The following OR10Z1 variants were observed in gnomAD, a reference collection of about 807,000 sequenced individuals.
OR10Z1 encodes the protein olfactory receptor 10Z1.
For missense variants in OR10Z1, 468 were observed against 371.0 expected (o/e 1.26, Z -2.15); for synonymous variants, 187 against 151.2 (o/e 1.24, Z -1.74).
intron 1 of OR10Z1, 29 bp from the exon 2 acceptor site, chr1:158,606,297 A>G: frequency 1.6e-6 from 1 of 615,536 alleles, no homozygotes; most frequent in Non-Finnish European, 2.9e-6. Context: ...AAGTTTGAGT[A>G]GAGTCTAAAT....
Position 158,609,762 on chromosome 1 carries a change from C to G in OR10Z1, c.*2382C>G, listed in dbSNP as rs1019816773. 6.6e-6 allele frequency: 1 copy of G among 152,138 alleles called. No homozygotes were observed. Among genetic ancestry groups the G allele is most frequent in the Non-Finnish European group, 1.5e-5 (1 of 68,016 alleles). The allele number at this position is 152,138 out of a possible 1,614,324, so 9.4% of individuals were successfully genotyped here. On this transcript the variant is annotated 3_prime_UTR_variant, in exon 2 of 2. Coordinates refer to ENST00000641002, the MANE Select transcript of OR10Z1 (RefSeq NM_001004478.2). ...TATGTGACTACGCGCTTAGAAAGGG[C>G]AAACTCTTCTTCCAGGTACACACAT...
rs1025390743 is a variant in OR10Z1 at position 158,610,476 on chromosome 1, A to G, written c.*3096A>G. 19 of 152,088 alleles carry G rather than the reference A, an allele frequency of 1.2e-4. No homozygotes were observed. Among genetic ancestry groups the G allele is most frequent in the African/African-American group, 4.6e-4 (19 of 41,430 alleles). The allele number at this position is 152,088 out of a possible 1,614,324, so 9.4% of individuals were successfully genotyped here. ...AATTCTTAATTTTATAAATAATTCT[A>G]TTAACTGTTACTTTAACAGGATATT... On this transcript the variant is annotated 3_prime_UTR_variant, in exon 2 of 2. Transcript: ENST00000641002.
Position 158,607,238 on chromosome 1 carries a change from C to G in OR10Z1, c.800C>G (p.Ser267Cys). The change falls in exon 2 of 2, where the codon TCT (serine) becomes TGT (cysteine). Residue 267 changes from serine to cysteine, a missense_variant. Coordinates refer to ENST00000641002, the MANE Select transcript of OR10Z1 (RefSeq NM_001004478.2). ...FVYLRPKASY[S>C]LERDQLIAMT... ...TACCTGAGGCCCAAAGCCAGCTACT[C>G]TCTTGAGAGAGATCAGCTTATTGCC... The G allele has an allele frequency of 6.2e-7, 1 of 1,614,110 alleles. No individual in the cohort carries two copies. The highest frequency in any genetic ancestry group is 8.5e-7 in the Non-Finnish European group (1 of 1,179,976).
chr1:158,605,276 A>G lies in OR10Z1; in HGVS notation c.-239A>G, dbSNP rs1649022573. The G allele has an allele frequency of 6.6e-6, 1 of 152,392 alleles. No individual in the cohort carries two copies. Among genetic ancestry groups the G allele is most frequent in the Non-Finnish European group, 1.5e-5 (1 of 68,046 alleles). The allele number at this position is 152,392 out of a possible 1,614,324, so 9.4% of individuals were successfully genotyped here. On this transcript the variant is annotated 5_prime_UTR_variant, in exon 1 of 2. Transcript: ENST00000641002. ...GAGACATCACACTGCTCAGAGTAGG[A>G]GATTTCAAGATGCATCTCAAGTCTT...
Position 158,606,566 on chromosome 1 carries a change from T to C in OR10Z1, c.128T>C (p.Val43Ala), listed in dbSNP as rs1649054505. The change falls in exon 2 of 2, where the codon GTC (valine) becomes GCC (alanine). Residue 43 changes from valine to alanine, a missense_variant. By Grantham distance (64) the Val-to-Ala change is moderately conservative (BLOSUM62 0). Transcript: ENST00000641002. ...TATCTAGTCACTCTGACCAGCAATGTCTTCATTATCATAGCCATCAGGCTG... is the reference window on the plus strand; with the variant it reads ...TATCTAGTCACTCTGACCAGCAATGCCTTCATTATCATAGCCATCAGGCTG... ...SLYLVTLTSN[V>A]FIIIAIRLDS... 1 of 1,613,862 alleles carries C rather than the reference T, an allele frequency of 6.2e-7. No individual in the cohort carries two copies. The highest frequency in any genetic ancestry group is 1.7e-5 in the Admixed American group (1 of 59,978).
rs1039132711 is a variant in OR10Z1 at position 158,611,211 on chromosome 1, C to A, written c.*3831C>A. The A allele has an allele frequency of 1.2e-6, 2 of 1,609,634 alleles. No individual in the cohort carries two copies. Among genetic ancestry groups the A allele is most frequent in the Non-Finnish European group, 8.5e-7 (1 of 1,177,098 alleles). ...ACATTTGCCTGTACTCTTTGCCCCCCAGTAAATTTCCCACGACACTAAGAT... is the reference window on the plus strand; with the variant it reads ...ACATTTGCCTGTACTCTTTGCCCCCAAGTAAATTTCCCACGACACTAAGAT... On this transcript the variant is annotated 3_prime_UTR_variant, in exon 2 of 2. Coordinates refer to ENST00000641002, the MANE Select transcript of OR10Z1 (RefSeq NM_001004478.2).
chr1:158,607,495 T>C lies in OR10Z1; in HGVS notation c.*115T>C. 1 of 765,134 alleles carries C rather than the reference T, an allele frequency of 1.3e-6. No individual in the cohort carries two copies. The highest frequency in any genetic ancestry group is 2.1e-6 in the Non-Finnish European group (1 of 472,400). 47.4% of individuals were successfully genotyped at this position (765,134 alleles called of 1,614,324 possible). On this transcript the variant is annotated 3_prime_UTR_variant, in exon 2 of 2. Transcript: ENST00000641002. ...CAAAGCTGTCCTACCCCCAATCTTCTGGGAAAGCCTTATCCTGCCTCTTGC... is the reference window on the plus strand; with the variant it reads ...CAAAGCTGTCCTACCCCCAATCTTCCGGGAAAGCCTTATCCTGCCTCTTGC...
Position 158,606,881 on chromosome 1 carries a change from C to A in OR10Z1, c.443C>A (p.Ser148Tyr). 6.2e-7 allele frequency: 1 copy of A among 1,614,006 alleles called. No individual in the cohort carries two copies. The highest frequency in any genetic ancestry group is 1.3e-5 in the African/African-American group (1 of 75,030). Reference protein sequence around the residue: ...PTLCAQLVITSFLTGYLFGLG... With the variant: ...PTLCAQLVITYFLTGYLFGLG... ...CTCTGTGCCCAGCTGGTCATTACTTCCTTCCTGACTGGATACCTCTTTGGA... is the reference window on the plus strand; with the variant it reads ...CTCTGTGCCCAGCTGGTCATTACTTACTTCCTGACTGGATACCTCTTTGGA... Residue 148 changes from serine to tyrosine, a missense_variant, in exon 2 of 2, where the codon TCC becomes TAC. By Grantham distance (144) the Ser-to-Tyr change is moderately radical (BLOSUM62 -2). Transcript: ENST00000641002.
chr1:158,606,589 C>T lies in OR10Z1; in HGVS notation c.151C>T (p.Leu51=). ...TGTCTTCATTATCATAGCCATCAGG[C>T]TGGATAGCCATCTGCACACCCCCAT... The part of the protein sequence containing the change: ...SNVFIIIAIR[L]DSHLHTPMYL... The change falls in exon 2 of 2, where the codon CTG becomes TTG. Residue 51 remains leucine, a synonymous_variant. Coordinates refer to ENST00000641002, the MANE Select transcript of OR10Z1 (RefSeq NM_001004478.2). 4 of 1,614,004 alleles carry T rather than the reference C, an allele frequency of 2.5e-6. No individual in the cohort carries two copies. Among genetic ancestry groups the T allele is most frequent in the Non-Finnish European group, 3.4e-6 (4 of 1,179,902 alleles).
At position 158,607,288 on chromosome 1, in the gene OR10Z1, C is replaced by A; in HGVS notation, c.850C>A (p.Leu284Ile). 6.2e-7 allele frequency: 1 copy of A among 1,613,964 alleles called. No individual in the cohort carries two copies. The highest frequency in any genetic ancestry group is 8.5e-7 in the Non-Finnish European group (1 of 1,179,860). The change falls in exon 2 of 2, where the codon CTC becomes ATC. Residue 284 changes from leucine to isoleucine, a missense_variant. By Grantham distance (5) the Leu-to-Ile change is conservative (BLOSUM62 2). Transcript: ENST00000641002. ...CATGACCTATACTGTAGTGACCCCCCTCCTTAATCCCATTGTTTATAGTCT... is the reference window on the plus strand; with the variant it reads ...CATGACCTATACTGTAGTGACCCCCATCCTTAATCCCATTGTTTATAGTCT... Reference protein sequence around the residue: ...IAMTYTVVTPLLNPIVYSLRN... With the variant: ...IAMTYTVVTPILNPIVYSLRN...
Position 158,608,252 on chromosome 1 carries a change from A to G in OR10Z1, c.*872A>G, listed in dbSNP as rs548634520. The G allele has an allele frequency of 6.6e-6, 1 of 152,210 alleles. No homozygotes were observed. Among genetic ancestry groups the G allele is most frequent in the African/African-American group, 2.4e-5 (1 of 41,522 alleles). The allele number at this position is 152,210 out of a possible 1,614,324, so 9.4% of individuals were successfully genotyped here. A position where few individuals can be genotyped will look rare whatever the true frequency, so the allele number is the denominator to read the frequency against. ...ATCAAATTGGATACTGTTCTTTTGA[A>G]TCTATTGCAGAACTATCTATTCTGC... On this transcript the variant is annotated 3_prime_UTR_variant, in exon 2 of 2. Transcript: ENST00000641002.
Position 158,611,551 on chromosome 1 carries a change from T to A in OR10Z1, c.*4171T>A. The stretch of plus-strand genomic sequence containing the variant: ...ATTTTTATCTCATAAATTTATAATT[T>A]CTAATGAGTAACTTAACTTTTAATC... On this transcript the variant is annotated 3_prime_UTR_variant, in exon 2 of 2. Coordinates refer to ENST00000641002, the MANE Select transcript of OR10Z1 (RefSeq NM_001004478.2). 2 of 691,678 alleles carry A rather than the reference T, an allele frequency of 2.9e-6. No individual in the cohort carries two copies. Among genetic ancestry groups the A allele is most frequent in the Admixed American group, 6.2e-5 (2 of 32,310 alleles). 42.8% of individuals were successfully genotyped at this position (691,678 alleles called of 1,614,324 possible). A position where few individuals can be genotyped will look rare whatever the true frequency, so the allele number is the denominator to read the frequency against.
At position 158,610,992 on chromosome 1, in the gene OR10Z1, T is replaced by C; in HGVS notation, c.*3612T>C. The C allele has an allele frequency of 7.9e-6, 3 of 379,842 alleles. No individual in the cohort carries two copies. The highest frequency in any genetic ancestry group is 1.5e-5 in the Non-Finnish European group (3 of 204,884). 23.5% of individuals were successfully genotyped at this position (379,842 alleles called of 1,614,324 possible). A position where few individuals can be genotyped will look rare whatever the true frequency, so the allele number is the denominator to read the frequency against. ...ACGTGCAAAACAGAACAAATAAAAATAGAAACTTTGACACCCCTCAGCAGT... is the reference window on the plus strand; with the variant it reads ...ACGTGCAAAACAGAACAAATAAAAACAGAAACTTTGACACCCCTCAGCAGT... On this transcript the variant is annotated 3_prime_UTR_variant, in exon 2 of 2. Transcript: ENST00000641002.
rs572315898 is a variant in OR10Z1 at position 158,607,199 on chromosome 1, G to A, written c.761G>A (p.Cys254Tyr). ...HLTVVIIHYGCASFVYLRPKA... is the reference protein window; with the variant it reads ...HLTVVIIHYGYASFVYLRPKA... Reference sequence around the variant, plus strand: ...ACAGTGGTCATTATTCATTATGGCTGTGCTTCCTTCGTGTACCTGAGGCCC... The same window carrying A: ...ACAGTGGTCATTATTCATTATGGCTATGCTTCCTTCGTGTACCTGAGGCCC... Residue 254 changes from cysteine to tyrosine, a missense_variant, in exon 2 of 2, where the codon TGT becomes TAT. By Grantham distance (194) the Cys-to-Tyr change is radical. Coordinates refer to ENST00000641002, the MANE Select transcript of OR10Z1 (RefSeq NM_001004478.2). The A allele has an allele frequency of 3.2e-5, 52 of 1,614,060 alleles. 1 individual carries two copies. The East Asian group carries it at 1.0e-3, about 31-fold the overall frequency.
intron 1 of OR10Z1, among the ~76,000 whole-genome samples, chr1:158,606,074 A>G (rs1557912444): frequency 6.6e-6 from 1 of 152,166 alleles, no homozygotes; most frequent in Non-Finnish European, 1.5e-5. Context: ...GCAAATGTAT[A>G]ATTTATAGTT....
Position 158,607,706 on chromosome 1 carries a change from C to G in OR10Z1, c.*326C>G, listed in dbSNP as rs548698075. The stretch of plus-strand genomic sequence containing the variant: ...TCAAGAATTTTTTAATTGAGCTGAA[C>G]AAAATGAGGGAAGTTTGGAGTGTTC... On this transcript the variant is annotated 3_prime_UTR_variant, in exon 2 of 2. Transcript: ENST00000641002. 1 of 224,052 alleles carries G rather than the reference C, an allele frequency of 4.5e-6. No homozygotes were observed. Among genetic ancestry groups the G allele is most frequent in the South Asian group, 1.1e-4 (1 of 8,730 alleles). 13.9% of individuals were successfully genotyped at this position (224,052 alleles called of 1,614,324 possible).
rs1316634107 is a variant in OR10Z1, at chr1:158,608,920, G to C, written c.*1540G>C. On this transcript the variant is annotated 3_prime_UTR_variant, in exon 2 of 2. Transcript: ENST00000641002. Reference sequence around the variant, plus strand: ...ATAAGGCACAGTAAAACGTTGAACAGAGAGAGGCATCTGGGAAGGGATTCA... The same window carrying C: ...ATAAGGCACAGTAAAACGTTGAACACAGAGAGGCATCTGGGAAGGGATTCA... 6.6e-6 allele frequency: 1 copy of C among 152,170 alleles called. No homozygotes were observed. Among genetic ancestry groups the C allele is most frequent in the African/African-American group, 2.4e-5 (1 of 41,426 alleles). The allele number at this position is 152,170 out of a possible 1,614,324, so 9.4% of individuals were successfully genotyped here.
At position 158,611,323 on chromosome 1, in the gene OR10Z1, G is replaced by C; in HGVS notation, c.*3943G>C. On this transcript the variant is annotated 3_prime_UTR_variant, in exon 2 of 2. Transcript: ENST00000641002. ...TAGTCATAGCCAGAGAGATGGCTTC[G>C]ACCCCGTGGGTCCATATATTGCTGC... is the stretch of plus-strand genomic sequence containing the variant. 6.2e-7 allele frequency: 1 copy of C among 1,613,748 alleles called. No individual in the cohort carries two copies. Among genetic ancestry groups the C allele is most frequent in the Non-Finnish European group, 8.5e-7 (1 of 1,179,790 alleles).
Position 158,606,885 on chromosome 1 carries a change from C to A in OR10Z1, c.447C>A (p.Phe149Leu), listed in dbSNP as rs968995336. ...GTGCCCAGCTGGTCATTACTTCCTT[C>A]CTGACTGGATACCTCTTTGGACTGG... ...TLCAQLVITS[F>L]LTGYLFGLGM... The change falls in exon 2 of 2, where the codon TTC becomes TTA. Residue 149 changes from phenylalanine to leucine, a missense_variant. Phe to Leu is a conservative substitution (Grantham distance 22, BLOSUM62 0). Transcript: ENST00000641002. 2 of 1,613,924 alleles carry A rather than the reference C, an allele frequency of 1.2e-6. No individual in the cohort carries two copies. The highest frequency in any genetic ancestry group is 2.7e-5 in the African/African-American group (2 of 74,920).
Sources: allele counts gnomAD v4.1 joint callset (sites outside exome capture counted in the v4.1 genomes callset), GRCh38; gene constraint gnomAD v4.1.1; transcripts MANE v1.5; gene names NCBI Gene and HGNC (gene_info 2026-07-23, HGNC 2026-07-21).